The following VPS16 variants were observed in gnomAD, a reference collection of about 807,000 sequenced individuals.
The protein encoded by VPS16 is vacuolar protein sorting-associated protein 16 homolog.
Under a neutral mutation model 116.0 loss-of-function variants are expected in VPS16, and 82 were observed. The ratio of observed to expected loss-of-function variants is 0.71; its 90% confidence interval spans 0.59 to 0.85. VPS16 has a LOEUF of 0.85. Among genes scored for constraint, VPS16 ranks in the 40% least tolerant of loss-of-function variants. The pLI, the probability that VPS16 is intolerant of heterozygous loss-of-function variation, is 0.00. For missense variants in VPS16, 928 were observed against 1,090.6 expected, an observed-to-expected ratio of 0.85 and a Z score of 2.10; for synonymous variants, 406 against 420.7, an observed-to-expected ratio of 0.96 and a Z score of 0.43.
At chr20:2,840,854 G>T in intron 1 of VPS16, 27 bp downstream of exon 1, 1 of 837,578 alleles carries the variant, frequency 1.2e-6, no homozygotes, top group Non-Finnish European at 1.8e-6. Flanking sequence ...TCCCGCCCAC[G>T]GCCTGGCTTA....
intron 7 of VPS16, 65 bp downstream of exon 7, chr20:2,861,157 C>G (rs551279022): frequency 3.0e-5 from 48 of 1,613,982 alleles, no homozygotes; most frequent in Non-Finnish European, 3.6e-5. Context: ...TTTGGTGATG[C>G]GGGAGGGCTT....
chr20:2,847,693 G>C (rs1487148064), intron 1 of VPS16, among the ~76,000 whole-genome samples: 2 of 151,894 alleles, frequency 1.3e-5, no homozygotes, highest in Non-Finnish European at 2.9e-5. Flanking sequence ...TGGTAAGGAT[G>C]GTCTTGATCT....
Position 2,860,563 on chromosome 20 carries a change from C to T in VPS16, c.484C>T (p.Leu162Phe). The part of the protein sequence containing the change: ...RFTLSANVGD[L>F]KLRRMPEVPG... Reference sequence around the variant, plus strand: ...CACCCTCAGTGCCAATGTGGGTGACCTCAAACTCCGCCGGATGCCAGAGGT... The same window carrying T: ...CACCCTCAGTGCCAATGTGGGTGACTTCAAACTCCGCCGGATGCCAGAGGT... The change falls in exon 5 of 24, where the codon CTC becomes TTC. Residue 162 changes from leucine (L) to phenylalanine (F), a missense_variant. Coordinates refer to ENST00000380445, the MANE Select transcript of VPS16 (RefSeq NM_022575.4). The surrounding 1 kb of genome is among the most constrained non-coding windows in gnomAD (Gnocchi z 6.1). The T allele has an allele frequency of 6.2e-7, 1 of 1,613,900 alleles. No individual in the cohort carries two copies. Among genetic ancestry groups the T allele is most frequent in the Admixed American group, 1.7e-5 (1 of 60,016 alleles).
chr20:2,847,328 G>C (rs1326097441), intron 1 of VPS16, among the ~76,000 whole-genome samples: 1 of 152,090 alleles, frequency 6.6e-6, no homozygotes, highest in Non-Finnish European at 1.5e-5. Context: ...ACCTTCTAGG[G>C]AGACTTAAGT....
rs2089213885 is a variant in VPS16 at position 2,860,362 on chromosome 20, G to A, written c.364G>A (p.Gly122Ser). 6.2e-7 allele frequency: 1 copy of A among 1,613,984 alleles called. No homozygotes were observed. The highest frequency in any genetic ancestry group is 1.3e-5 in the African/African-American group (1 of 74,886). The change falls in exon 4 of 24, where the codon GGC (glycine) becomes AGC (serine). Residue 122 changes from glycine to serine, a missense_variant. Transcript: ENST00000380445. This position sits in a 1 kb window ranked among gnomAD's most constrained non-coding sequence, Gnocchi z 6.1. ...TGACTTCCGGAGACACTTCAGCATG[G>A]GCAATGTAGGGGTCACAGAGGGCTG... Reference protein sequence around the residue: ...HGDFRRHFSMGNEVLQNRVLD... With the variant: ...HGDFRRHFSMSNEVLQNRVLD...
chr20:2,860,368 G>A lies in VPS16; in HGVS notation c.369+1G>A. The A allele has an allele frequency of 2.5e-6, 4 of 1,614,124 alleles. No homozygotes were observed. The highest frequency in any genetic ancestry group is 3.4e-6 in the Non-Finnish European group (4 of 1,180,008). ...CCGGAGACACTTCAGCATGGGCAAT[G>A]TAGGGGTCACAGAGGGCTGGGGACG... On this transcript the variant is annotated splice_donor_variant, in intron 4 of 23. Coordinates refer to ENST00000380445, the MANE Select transcript of VPS16 (RefSeq NM_022575.4). LOFTEE classifies it high-confidence loss of function. The surrounding 1 kb of genome is among the most constrained non-coding windows in gnomAD (Gnocchi z 6.1).
rs780477906 is a variant in VPS16, at chr20:2,860,622, A to G, written c.514+29A>G. The G allele has an allele frequency of 1.6e-5, 25 of 1,612,496 alleles. No homozygotes were observed. Among genetic ancestry groups the G allele is most frequent in the Non-Finnish European group, 2.0e-5 (24 of 1,179,532 alleles). On this transcript the variant is annotated intron_variant, in intron 5 of 23. Coordinates refer to ENST00000380445, the MANE Select transcript of VPS16 (RefSeq NM_022575.4). The surrounding 1 kb of genome is among the most constrained non-coding windows in gnomAD (Gnocchi z 6.1). ...AGCCCTGACACCGCTGAGATAGCCAAGCAGTACCCACAGATGTGCCTCTAG... is the reference window on the plus strand; with the variant it reads ...AGCCCTGACACCGCTGAGATAGCCAGGCAGTACCCACAGATGTGCCTCTAG...
At chr20:2,850,586 A>C (rs918450661) in intron 1 of VPS16, among the ~76,000 whole-genome samples, 13 of 152,134 alleles carry the variant, frequency 8.5e-5, no homozygotes, top group African/African-American at 3.1e-4. Flanking sequence ...AGATTTTGCC[A>C]CTGCACTCCA....
At chr20:2,842,100 A>G (rs896264219) in intron 1 of VPS16, among the ~76,000 whole-genome samples, 4 of 152,138 alleles carry the variant, frequency 2.6e-5, no homozygotes, top group Non-Finnish European at 4.4e-5. Context: ...CATATTTAGA[A>G]CAGTGCTTGC....
intron 1 of VPS16, among the ~76,000 whole-genome samples, chr20:2,843,172 G>T (rs1016657864): frequency 6.6e-6 from 1 of 151,538 alleles, no homozygotes; most frequent in Non-Finnish European, 1.5e-5. Flanking sequence ...GGTGGCTCAC[G>T]CCTGTAATCC....
intron 1 of VPS16, among the ~76,000 whole-genome samples, chr20:2,849,890 T>A (rs979551098): frequency 6.6e-6 from 1 of 152,214 alleles, no homozygotes; most frequent in Non-Finnish European, 1.5e-5. Context: ...TAGCATCAGT[T>A]TTCCATTGAC....
At chr20:2,856,354 C>T (rs1045182122) in intron 1 of VPS16, among the ~76,000 whole-genome samples, 2 of 152,128 alleles carry the variant, frequency 1.3e-5, no homozygotes, top group African/African-American at 4.8e-5. Context: ...ATCACCATAT[C>T]AGATATAATA....
intron 2 of VPS16, 98 bp downstream of exon 2, chr20:2,859,905 C>G: frequency 6.8e-7 from 1 of 1,466,044 alleles, no homozygotes; most frequent in Non-Finnish European, 9.4e-7. Context: ...CTTGTTGCCA[C>G]CCCCCACTCA....
chr20:2,859,906 C>A, intron 2 of VPS16, 99 bp downstream of exon 2: 2 of 1,461,454 alleles, frequency 1.4e-6, no homozygotes, highest in South Asian at 1.2e-5. Context: ...TTGTTGCCAC[C>A]CCCCACTCAC....
In VPS16 at chr20:2,865,784, AG is replaced by A. The variant is rs1429947082; in HGVS notation, c.2271+291del. 3 of 493,864 alleles carry A rather than the reference AG, an allele frequency of 6.1e-6. No individual in the cohort carries two copies. Among genetic ancestry groups the A allele is most frequent in the Non-Finnish European group, 1.1e-5 (3 of 274,476 alleles). 30.6% of individuals were successfully genotyped at this position (493,864 alleles called of 1,614,324 possible). On this transcript the variant is annotated intron_variant, in intron 22 of 23. Transcript: ENST00000380445. This position sits in a 1 kb window ranked among gnomAD's most constrained non-coding sequence, Gnocchi z 5.2. ...TGTGCTAGAGGGAAAGTCTTGTCTG[AG>A]GAGGGTGGAGGGGGCACAGGGAGGG...
chr20:2,864,918 G>T lies in VPS16; in HGVS notation c.1927-60G>T. The T allele has an allele frequency of 6.2e-7, 1 of 1,607,198 alleles. No individual in the cohort carries two copies. Among genetic ancestry groups the T allele is most frequent in the East Asian group, 2.2e-5 (1 of 44,808 alleles). ...GGATGGGGGAGAAGACTGTAGCCTG[G>T]GTGAGGAGGGCGAGGGTCCTGCATG... On this transcript the variant is annotated intron_variant, in intron 19 of 23. Transcript: ENST00000380445. The surrounding 1 kb of genome is among the most constrained non-coding windows in gnomAD (Gnocchi z 5.2).
Position 2,861,712 on chromosome 20 carries a change from T to C in VPS16, c.899+8T>C. 1 of 1,612,656 alleles carries C rather than the reference T, an allele frequency of 6.2e-7. No homozygotes were observed. Among genetic ancestry groups the C allele is most frequent in the South Asian group, 1.1e-5 (1 of 90,698 alleles). On this transcript the variant is annotated splice_region_variant and intron_variant, in intron 9 of 23. Coordinates refer to ENST00000380445, the MANE Select transcript of VPS16 (RefSeq NM_022575.4). ...TGCACCCGAGAGCATCCAGTATCCT[T>C]GGAGGGCTGCCTGTGTGTGGAGAGA...
Position 2,863,569 on chromosome 20 carries a change from C to G in VPS16, c.1476+171C>G, listed in dbSNP as rs2089269334. ...CCTGAGGTCAGGTATTCGAGACTAG[C>G]CTGGCTAACATGGTGAAACCCCGTC... On this transcript the variant is annotated intron_variant, in intron 15 of 23. Transcript: ENST00000380445. The surrounding 1 kb of genome is among the most constrained non-coding windows in gnomAD (Gnocchi z 4.4). Among the ~76,000 whole-genome samples, 1 of 151,812 alleles carries G rather than the reference C, an allele frequency of 6.6e-6. No individual in the cohort carries two copies. The highest frequency in any genetic ancestry group is 2.4e-5 in the African/African-American group (1 of 41,302).
intron 1 of VPS16, among the ~76,000 whole-genome samples, chr20:2,857,000 CAG>C (rs2089178508): frequency 6.8e-6 from 1 of 146,660 alleles, no homozygotes; most frequent in Non-Finnish European, 1.5e-5. Flanking sequence ...TTTTTTGAGA[CAG>C]AGTCTCCCTC....
Sources: allele counts gnomAD v4.1 joint callset (sites outside exome capture counted in the v4.1 genomes callset), GRCh38; gene constraint gnomAD v4.1.1; non-coding constraint Gnocchi (gnomAD v3.1); transcripts MANE v1.5; gene names NCBI Gene and HGNC (gene_info 2026-07-23, HGNC 2026-07-21).